The following GPR34 variants were observed in gnomAD, a reference collection of about 807,000 sequenced individuals.
GPR34 encodes G protein-coupled receptor 34, also known as probable G protein-coupled receptor 34.
GPR34 carries 3 observed loss-of-function variants against 14.1 expected under a neutral mutation model. That is an observed-to-expected ratio of 0.21 (90% confidence interval 0.10 to 0.55). GPR34 has a LOEUF of 0.55. Ranked by LOEUF, GPR34 falls within the 20% of genes least tolerant of loss-of-function variation. The pLI is 0.94. For missense variants in GPR34, 213 were observed against 292.8 expected, an observed-to-expected ratio of 0.73 and a Z score of 1.99; for synonymous variants, 99 against 99.9, an observed-to-expected ratio of 0.99 and a Z score of 0.05.
intron 2 of GPR34, among the ~76,000 whole-genome samples, chrX:41,692,327 A>T (rs2067584034): frequency 9.0e-6 from 1 of 111,585 alleles, no homozygotes; most frequent in Non-Finnish European, 1.9e-5. Context: ...GGAGCCAAGC[A>T]CTGGTATCTT....
chrX:41,691,840 CAA>C (rs397895684), intron 2 of GPR34, among the ~76,000 whole-genome samples: 2 of 28,484 alleles, frequency 7.0e-5, no homozygotes, highest in Non-Finnish European at 1.1e-4. Flanking sequence ...GACTCTGTCT[CAA>C]AAAAAAAAAA....
intron 1 of GPR34, among the ~76,000 whole-genome samples, chrX:41,689,447 A>G (rs1046022267): frequency 8.9e-6 from 1 of 111,991 alleles, no homozygotes; most frequent in Non-Finnish European, 1.9e-5. Context: ...TGTATTATAA[A>G]TTATAACTTA....
intron 2 of GPR34, among the ~76,000 whole-genome samples, chrX:41,694,896 C>T (rs1052752947): frequency 8.9e-6 from 1 of 111,984 alleles, no homozygotes; most frequent in African/African-American, 3.2e-5. Flanking sequence ...TGTAGCAATA[C>T]ATGTCAAAAT....
chrX:41,693,119 A>G (rs2147568699), intron 2 of GPR34, among the ~76,000 whole-genome samples: 1 of 111,727 alleles, frequency 9.0e-6, no homozygotes, highest in East Asian at 2.8e-4. Context: ...TTTTCACGTC[A>G]TTTCAGCTAC....
In GPR34 at chrX:41,696,077, C is replaced by T; in HGVS notation, c.444C>T (p.Ile148=). ...TTAGCATTATTTTGCTTGGATTCATCAGTTTGGATCGCTATATAAAAATTA... is the reference window on the plus strand; with the variant it reads ...TTAGCATTATTTTGCTTGGATTCATTAGTTTGGATCGCTATATAAAAATTA... ...MYISIILLGF[I]SLDRYIKINR... The change falls in exon 3 of 3, where the codon ATC becomes ATT. Residue 148 remains isoleucine, a synonymous_variant. Coordinates refer to ENST00000378142, the MANE Select transcript of GPR34 (RefSeq NM_001097579.2). The T allele has an allele frequency of 8.3e-7, 1 of 1,201,552 alleles. No individual in the cohort carries two copies. Among genetic ancestry groups the T allele is most frequent in the Non-Finnish European group, 1.1e-6 (1 of 887,460 alleles).
chrX:41,694,727 T>C (rs1248626826), intron 2 of GPR34, among the ~76,000 whole-genome samples: 1 of 111,983 alleles, frequency 8.9e-6, no homozygotes, highest in Non-Finnish European at 1.9e-5. Context: ...TGTCCAGTGA[T>C]ACAAGAGTCT....
chrX:41,690,197 G>T (rs2067518075), intron 2 of GPR34, among the ~76,000 whole-genome samples: 2 of 111,075 alleles, frequency 1.8e-5, no homozygotes, highest in Non-Finnish European at 3.8e-5. Flanking sequence ...GTCTTCACAA[G>T]CAATTCTTAA....
At chrX:41,690,428 C>G (rs940230560) in intron 2 of GPR34, among the ~76,000 whole-genome samples, 1 of 110,433 alleles carries the variant, frequency 9.1e-6, no homozygotes, top group South Asian at 3.9e-4. Context: ...CTCACTGCAG[C>G]CTCTGTCTCC....
intron 2 of GPR34, 121 bp downstream of exon 2, chrX:41,689,956 C>T (rs1230740038): frequency 2.7e-5 from 3 of 111,463 alleles, no homozygotes; most frequent in African/African-American, 6.5e-5. Flanking sequence ...GGGTCCAGTA[C>T]TCCTACATGA....
Position 41,689,079 on chromosome X carries a change from T to A in GPR34, c.-178T>A. 1 of 111,946 alleles carries A rather than the reference T, an allele frequency of 8.9e-6. No individual in the cohort carries two copies. The highest frequency in any genetic ancestry group is 4.7e-3 in the Middle Eastern group (1 of 214). 9.2% of individuals were successfully genotyped at this position (111,946 alleles called of 1,213,427 possible). Reference sequence around the variant, plus strand: ...CTGCTCCTTTTACTTCAGGCGAACCTGAACTGTGAGTATTTCTTGATTTCG... The same window carrying A: ...CTGCTCCTTTTACTTCAGGCGAACCAGAACTGTGAGTATTTCTTGATTTCG... On this transcript the variant is annotated 5_prime_UTR_variant, in exon 1 of 3. Transcript: ENST00000378142.
intron 2 of GPR34, among the ~76,000 whole-genome samples, chrX:41,692,070 C>G (rs1342781651): frequency 1.8e-5 from 2 of 111,192 alleles, no homozygotes; most frequent in Non-Finnish European, 3.8e-5. Flanking sequence ...ACCTTTTGAT[C>G]TTTCATTACC....
In GPR34 at chrX:41,696,302, T is replaced by C. The variant is rs1201603539; in HGVS notation, c.669T>C (p.Leu223=). 1.7e-6 allele frequency: 2 copies of C among 1,182,395 alleles called. No individual in the cohort carries two copies. The highest frequency in any genetic ancestry group is 3.6e-5 in the African/African-American group (2 of 56,128). ...GAGAAGCCATTTTTAACTTCATTCT[T>C]GTGGTAATGTTCTGGCTAATTTTCT... ...AKGEAIFNFI[L]VVMFWLIFLL... The change falls in exon 3 of 3, where the codon CTT becomes CTC. Residue 223 remains leucine (L), a synonymous_variant. Transcript: ENST00000378142.
At position 41,695,797 on chromosome X, in the gene GPR34, C is replaced by T; in HGVS notation, c.164C>T (p.Thr55Ile). Residue 55 changes from threonine to isoleucine, a missense_variant, in exon 3 of 3, where the codon ACT (threonine) becomes ATT (isoleucine). Physicochemically the swap from Thr to Ile is moderately conservative, Grantham distance 89 (BLOSUM62 -1). Coordinates refer to ENST00000378142, the MANE Select transcript of GPR34 (RefSeq NM_001097579.2). ...TCPMDEKLLS[T>I]VLTTSYSVIF... ...CCCATGGATGAAAAATTGCTATCTACTGTGTTAACCACATCCTACTCTGTT... is the reference window on the plus strand; with the variant it reads ...CCCATGGATGAAAAATTGCTATCTATTGTGTTAACCACATCCTACTCTGTT... The T allele has an allele frequency of 8.3e-7, 1 of 1,207,398 alleles. No individual in the cohort carries two copies. The highest frequency in any genetic ancestry group is 1.1e-6 in the Non-Finnish European group (1 of 891,485).
At chrX:41,690,092 C>A (rs1464255457) in intron 2 of GPR34, among the ~76,000 whole-genome samples, 1 of 111,435 alleles carries the variant, frequency 9.0e-6, no homozygotes, top group Non-Finnish European at 1.9e-5. Context: ...TCTACTATTA[C>A]AAAACTATTG....
chrX:41,692,510 G>T (rs889243751), intron 2 of GPR34, among the ~76,000 whole-genome samples: 1 of 112,793 alleles, frequency 8.9e-6, no homozygotes, highest in Non-Finnish European at 1.9e-5. Context: ...TTAAAAGGAG[G>T]CAACATCTGT....
intron 2 of GPR34, 74 bp from the exon 3 acceptor site, chrX:41,695,481 T>A: frequency 2.2e-6 from 1 of 450,740 alleles, no homozygotes; most frequent in South Asian, 3.8e-5. Flanking sequence ...AAGCCCAGCC[T>A]ATTATTTACA....
rs5918227 is a variant in GPR34, at chrX:41,690,356, T to A, written c.-80+521T>A. Among the ~76,000 whole-genome samples, 128 of 41,295 alleles carry A rather than the reference T, an allele frequency of 3.1e-3. 1 individual carries two copies. Among genetic ancestry groups the A allele is most frequent in the Middle Eastern group, 0.02 (2 of 98 alleles). 35.9% of individuals were successfully genotyped at this position (41,295 alleles called of 115,157 possible). ...TTGTGATTTTTAATTAAAAAAAAAA[T>A]TTTTTTTTGAGACAGACTCTCGCTC... On this transcript the variant is annotated intron_variant, in intron 2 of 2. Transcript: ENST00000378142.
Position 41,689,792 on chromosome X carries a change from A to G in GPR34, c.-123A>G, listed in dbSNP as rs1216422859. ...CCCTGAATAGATTCAGTCATTATCA[A>G]GTCAAACTAAAAACGGTGAAAGGTT... On this transcript the variant is annotated 5_prime_UTR_variant, in exon 2 of 3. Coordinates refer to ENST00000378142, the MANE Select transcript of GPR34 (RefSeq NM_001097579.2). The G allele has an allele frequency of 8.9e-6, 1 of 112,225 alleles. No homozygotes were observed. Among genetic ancestry groups the G allele is most frequent in the Non-Finnish European group, 1.9e-5 (1 of 53,281 alleles). 9.2% of individuals were successfully genotyped at this position (112,225 alleles called of 1,213,427 possible).
intron 2 of GPR34, among the ~76,000 whole-genome samples, chrX:41,694,328 G>A (rs192536182): frequency 5.4e-5 from 6 of 111,947 alleles, no homozygotes; most frequent in African/African-American, 1.9e-4. Flanking sequence ...GCATCTTTAT[G>A]TTAACCCTGC....
Sources: allele counts gnomAD v4.1 joint callset (sites outside exome capture counted in the v4.1 genomes callset), GRCh38; gene constraint gnomAD v4.1.1; transcripts MANE v1.5; gene names NCBI Gene and HGNC (gene_info 2026-07-23, HGNC 2026-07-21).